VGLL4: variants seen among roughly 807,000 people sequenced by gnomAD.
VGLL4 encodes the protein transcription cofactor vestigial-like protein 4.
Under a neutral mutation model 21.0 loss-of-function variants are expected in VGLL4, and 7 were observed. The ratio of observed to expected loss-of-function variants is 0.33; its 90% confidence interval spans 0.19 to 0.63. The LOEUF (loss-of-function observed/expected upper bound fraction) is 0.63. Ranked by LOEUF, VGLL4 falls within the 20% of genes least tolerant of loss-of-function variation. VGLL4 has a pLI of 0.78. For synonymous variants in VGLL4, 222 were observed against 173.2 expected (o/e 1.28, Z -2.21); for missense variants, 394 against 425.7 (o/e 0.93, Z 0.66).
intron 1 of VGLL4, among the ~76,000 whole-genome samples, chr3:11,709,435 T>TCAAAAAAAAAA (rs1228813940): frequency 1.4e-4 from 15 of 108,828 alleles, no homozygotes; most frequent in African/African-American, 4.7e-4. Context: ...AGACTCCGTC[T>TCAAAAAAAAAA]AAAAAAAAAA....
chr3:11,674,853 G>C (rs899833834), intron 2 of VGLL4, among the ~76,000 whole-genome samples: 1 of 152,116 alleles, frequency 6.6e-6, no homozygotes, highest in Non-Finnish European at 1.5e-5. Context: ...ATAAGGGGGG[G>C]AAATGGAAAG....
At chr3:11,597,414 C>T (rs1004102152) in intron 2 of VGLL4, among the ~76,000 whole-genome samples, 1 of 152,078 alleles carries the variant, frequency 6.6e-6, no homozygotes, top group Admixed American at 6.5e-5. Context: ...TCAGGGTCAC[C>T]GTATTGGAAC....
At chr3:11,631,647 A>G (rs1459896854) in intron 1 of VGLL4, among the ~76,000 whole-genome samples, 2 of 152,220 alleles carry the variant, frequency 1.3e-5, no homozygotes, top group East Asian at 3.8e-4. Flanking sequence ...GAGGTCTCCC[A>G]GTCCATGAAC....
At chr3:11,611,242 T>C (rs912207073) in intron 1 of VGLL4, among the ~76,000 whole-genome samples, 5 of 152,176 alleles carry the variant, frequency 3.3e-5, no homozygotes, top group Non-Finnish European at 7.3e-5. Flanking sequence ...CATGGCTGTA[T>C]TTGAAGACAG....
intron 1 of VGLL4, among the ~76,000 whole-genome samples, chr3:11,630,366 C>T (rs75494448): frequency 0.015 from 2,263 of 152,170 alleles, 25 homozygotes; most frequent in Middle Eastern, 0.041. Context: ...AGTTCCTGGC[C>T]GGGCGTGGTG....
chr3:11,562,610 G>A (rs1258815667), intron 3 of VGLL4, among the ~76,000 whole-genome samples: 2 of 152,232 alleles, frequency 1.3e-5, no homozygotes, highest in African/African-American at 4.8e-5. Context: ...TCAGCAGGGC[G>A]CCCGAGCCCA....
intron 2 of VGLL4, among the ~76,000 whole-genome samples, chr3:11,589,710 C>T (rs578030463): frequency 1.3e-5 from 2 of 152,178 alleles, no homozygotes; most frequent in Non-Finnish European, 2.9e-5. Context: ...GAGATTCGGA[C>T]GCCAGCATGG....
At chr3:11,651,512 A>AC (rs1559924469) in intron 2 of VGLL4, among the ~76,000 whole-genome samples, 1 of 151,854 alleles carries the variant, frequency 6.6e-6, no homozygotes, top group Non-Finnish European at 1.5e-5. Context: ...CCCACCAAGA[A>AC]CCATTAGCTA....
At chr3:11,614,263 G>C (rs1441749656) in intron 1 of VGLL4, among the ~76,000 whole-genome samples, 1 of 152,200 alleles carries the variant, frequency 6.6e-6, no homozygotes, top group Admixed American at 6.5e-5. Context: ...ACCCCTTTTG[G>C]TGCCATCTAC....
chr3:11,599,988 C>G (rs2074752156), intron 2 of VGLL4, among the ~76,000 whole-genome samples: 1 of 151,856 alleles, frequency 6.6e-6, no homozygotes, highest in African/African-American at 2.4e-5. Context: ...GGAATTGAAC[C>G]CAGGCATTTT....
At position 11,568,741 on chromosome 3, in the gene VGLL4, G is replaced by C. The variant is rs191966296; in HGVS notation, c.273-3722C>G. The C allele has an allele frequency of 6.5e-7, 1 of 1,529,872 alleles. No homozygotes were observed. Among genetic ancestry groups the C allele is most frequent in the African/African-American group, 1.4e-5 (1 of 72,428 alleles). 94.8% of individuals were successfully genotyped at this position (1,529,872 alleles called of 1,614,324 possible). The stretch of plus-strand genomic sequence containing the variant: ...TCCCGGGGACGGCAGAAAACCGCAC[G>C]CATCCTGCCCGGGAGATGGAAGTCG... On this transcript the variant is annotated intron_variant, in intron 2 of 4. Transcript: ENST00000430365. The surrounding 1 kb of genome is among the most constrained non-coding windows in gnomAD (Gnocchi z 5.9).
At chr3:11,704,551 A>G (rs978462480) in intron 1 of VGLL4, among the ~76,000 whole-genome samples, 2 of 150,756 alleles carry the variant, frequency 1.3e-5, no homozygotes, top group Non-Finnish European at 3.0e-5. Flanking sequence ...TTCAATCTGC[A>G]CGGGAGGCAG....
intron 1 of VGLL4, among the ~76,000 whole-genome samples, chr3:11,626,940 G>A (rs755921409): frequency 3.0e-5 from 4 of 133,920 alleles, no homozygotes; most frequent in Non-Finnish European, 6.3e-5. Flanking sequence ...TCATATTTTA[G>A]ATAGGGTGGC....
intron 1 of VGLL4, among the ~76,000 whole-genome samples, chr3:11,618,090 A>G (rs1169903749): frequency 6.6e-6 from 1 of 152,246 alleles, no homozygotes; most frequent in Non-Finnish European, 1.5e-5. Context: ...ATAATAATGC[A>G]TACTTATAGA....
chr3:11,574,956 CA>C (rs2073992525), intron 2 of VGLL4, among the ~76,000 whole-genome samples: 1 of 152,078 alleles, frequency 6.6e-6, no homozygotes, highest in African/African-American at 2.4e-5. Flanking sequence ...AGTTACCATC[CA>C]AAACCCTTTT....
rs1416074511 is a variant in VGLL4, at chr3:11,558,323, A to G, written c.*233T>C. ...CTGAGGCAGGAAGTAAGGATGCTAC[A>G]TTAGACAGATGTTCCACGCGTAGTT... On this transcript the variant is annotated 3_prime_UTR_variant, in exon 5 of 5. Transcript: ENST00000430365. The G allele has an allele frequency of 3.0e-6, 2 of 675,010 alleles. No homozygotes were observed. The highest frequency in any genetic ancestry group is 2.4e-6 in the Non-Finnish European group (1 of 410,544). The allele number at this position is 675,010 out of a possible 1,614,324, so 41.8% of individuals were successfully genotyped here.
intron 2 of VGLL4, among the ~76,000 whole-genome samples, chr3:11,687,021 A>G (rs1225175326): frequency 2.4e-5 from 2 of 81,696 alleles, no homozygotes; most frequent in Non-Finnish European, 5.1e-5. Context: ...ATTTGTTACT[A>G]TGGATTTGTA....
chr3:11,572,933 C>T (rs566710849), intron 2 of VGLL4, among the ~76,000 whole-genome samples: 56 of 151,960 alleles, frequency 3.7e-4, no homozygotes, highest in Non-Finnish European at 5.9e-4. Flanking sequence ...TTTGGGAGGC[C>T]GAGACAGGTG....
chr3:11,656,238 G>A (rs371677911), intron 2 of VGLL4, among the ~76,000 whole-genome samples: 4 of 152,212 alleles, frequency 2.6e-5, no homozygotes, highest in African/African-American at 9.6e-5. Flanking sequence ...ACCACACAGG[G>A]AGTGCTTCCC....
Sources: allele counts gnomAD v4.1 joint callset (sites outside exome capture counted in the v4.1 genomes callset), GRCh38; gene constraint gnomAD v4.1.1; non-coding constraint Gnocchi (gnomAD v3.1); transcripts MANE v1.5; gene names NCBI Gene and HGNC (gene_info 2026-07-23, HGNC 2026-07-21).